CYRIB: variants seen among roughly 807,000 people sequenced by gnomAD.
CYRIB encodes the protein CYFIP related Rac1 interactor B, also known as CYFIP-related Rac1 interactor B.
CYRIB carries 8 observed loss-of-function variants against 44.2 expected under a neutral mutation model. That is an observed-to-expected ratio of 0.18 (90% CI 0.11 to 0.33). The LOEUF (loss-of-function observed/expected upper bound fraction) is 0.33, where lower values mean the gene tolerates loss of function less well. CYRIB is among the 10% of genes least tolerant of loss of function. The pLI is 1.00. For synonymous variants in CYRIB, 131 were observed against 127.2 expected, an observed-to-expected ratio of 1.03 and a Z score of -0.20; for missense variants, 185 against 382.8, an observed-to-expected ratio of 0.48 and a Z score of 4.31.
intron 2 of CYRIB, among the ~76,000 whole-genome samples, chr8:129,967,388 T>G (rs112640041): frequency 2.1e-4 from 31 of 147,138 alleles, no homozygotes; most frequent in Middle Eastern, 3.5e-3. Context: ...TGTTTTTTTG[T>G]TTTTTTTTTG....
intron 2 of CYRIB, among the ~76,000 whole-genome samples, chr8:129,897,996 C>T (rs757595816): frequency 1.3e-5 from 2 of 152,072 alleles, no homozygotes; most frequent in South Asian, 2.1e-4. Flanking sequence ...GAGCTCCTGA[C>T]CAGGTGATCC....
At chr8:129,906,397 A>G (rs967150599) in intron 1 of CYRIB, among the ~76,000 whole-genome samples, 3 of 152,368 alleles carry the variant, frequency 2.0e-5, no homozygotes, top group African/African-American at 7.2e-5. Context: ...CTGGCTAGCC[A>G]TATGTAGAAA....
At chr8:129,878,654 C>T (rs1194075070) in intron 3 of CYRIB, among the ~76,000 whole-genome samples, 5 of 151,974 alleles carry the variant, frequency 3.3e-5, no homozygotes, top group Non-Finnish European at 7.4e-5. Context: ...CAAGCTAAAG[C>T]GATATCAACA....
At chr8:130,007,890 G>T (rs1294994783) in intron 1 of CYRIB, among the ~76,000 whole-genome samples, 1 of 151,388 alleles carries the variant, frequency 6.6e-6, no homozygotes, top group Non-Finnish European at 1.5e-5. Flanking sequence ...AACCCACGAC[G>T]TGATCCTGAT....
At chr8:129,996,057 A>G (rs897398307) in intron 1 of CYRIB, among the ~76,000 whole-genome samples, 1 of 152,204 alleles carries the variant, frequency 6.6e-6, no homozygotes, top group East Asian at 1.9e-4. Flanking sequence ...CCACAATCAT[A>G]ATACCAGCGC....
intron 1 of CYRIB, among the ~76,000 whole-genome samples, chr8:129,983,021 A>AG (rs1029971458): frequency 6.6e-5 from 10 of 152,004 alleles, no homozygotes; most frequent in Non-Finnish European, 1.2e-4. Flanking sequence ...AAAAAAAAAA[A>AG]AAAAACACCC....
intron 1 of CYRIB, among the ~76,000 whole-genome samples, chr8:129,912,891 T>G (rs115565406): frequency 0.017 from 2,516 of 152,132 alleles, 63 homozygotes; most frequent in African/African-American, 0.053. Context: ...TAAAGTTATC[T>G]CTACTGCTGA....
chr8:129,940,230 C>T (rs1025048901), upstream of CYRIB, among the ~76,000 whole-genome samples: 2 of 152,146 alleles, frequency 1.3e-5, no homozygotes, highest in African/African-American at 2.4e-5. Context: ...GATGCTGAGC[C>T]CTGCGAAGTT....
In CYRIB at chr8:129,889,665, C is replaced by T. The variant is rs989271922; in HGVS notation, c.-10-10194G>A. 6.6e-5 allele frequency among the ~76,000 whole-genome samples: 10 copies of T among 152,034 alleles called. No individual in the cohort carries two copies. The South Asian group carries it at 1.9e-3, about 28-fold the overall frequency. On this transcript the variant is annotated intron_variant, in intron 2 of 11. Coordinates refer to ENST00000519824, the Ensembl canonical transcript of CYRIB. ...AGAAATGGCAGATGTGGTGGAAATA[C>T]CAAGAGAACTAGAGTAGAAGTTCAT...
At chr8:129,977,553 A>G (rs144797764) in intron 1 of CYRIB, among the ~76,000 whole-genome samples, 136 of 149,174 alleles carry the variant, frequency 9.1e-4, no homozygotes, top group African/African-American at 3.2e-3. Flanking sequence ...TTTTTTTGAG[A>G]CGGGGTCTCG....
intron 1 of CYRIB, among the ~76,000 whole-genome samples, chr8:129,928,660 TAAAAAAA>T (rs879465964): frequency 1.5e-5 from 2 of 137,862 alleles, no homozygotes; most frequent in Admixed American, 7.4e-5. Flanking sequence ...ATCCTTTCTT[TAAAAAAA>T]AAAAAGAAAA....
chr8:129,934,311 C>A (rs894934165), intron 1 of CYRIB, among the ~76,000 whole-genome samples: 2 of 152,094 alleles, frequency 1.3e-5, no homozygotes, highest in East Asian at 3.8e-4. Flanking sequence ...ACTAACAATG[C>A]GGTAAATCAA....
intron 1 of CYRIB, chr8:130,004,631 G>A (rs1245130573): frequency 6.6e-6 from 1 of 151,790 alleles, no homozygotes; most frequent in African/African-American, 2.4e-5. Flanking sequence ...ATTGTGCATT[G>A]TACTTTATCG....
rs76061710 is a variant in CYRIB, at chr8:130,012,762, G to A, written c.-296+3608C>T. On this transcript the variant is annotated intron_variant, in intron 1 of 14. Transcript: ENST00000401979. ...CACTGCCTCTAGAAAGAGAAAAGGAGGAGAGGAAAAAAAAAATATTGCTCT... is the reference window on the plus strand; with the variant it reads ...CACTGCCTCTAGAAAGAGAAAAGGAAGAGAGGAAAAAAAAAATATTGCTCT... Among the ~76,000 whole-genome samples, 871 of 152,152 alleles carry A rather than the reference G, an allele frequency of 5.7e-3. 11 individuals are homozygous for A. The highest frequency in any genetic ancestry group is 0.02 in the African/African-American group (836 of 41,514).
rs187490791 is a variant in CYRIB, at chr8:129,915,787, T to C, written c.-49-12437A>G. 1.7e-4 allele frequency among the ~76,000 whole-genome samples: 26 copies of C among 152,248 alleles called. No homozygotes were observed. In the East Asian group the frequency reaches 4.4e-3, roughly 26 times the overall value. ...AATTTTGTGGGTCAAGCCTGAGAAATTGCATTTTCCAAGATCCACATTACT... is the reference window on the plus strand; with the variant it reads ...AATTTTGTGGGTCAAGCCTGAGAAACTGCATTTTCCAAGATCCACATTACT... On this transcript the variant is annotated intron_variant, in intron 1 of 11. Transcript: ENST00000519824.
intron 1 of CYRIB, among the ~76,000 whole-genome samples, chr8:129,998,517 G>A (rs2096833433): frequency 6.6e-6 from 1 of 152,298 alleles, no homozygotes; most frequent in Admixed American, 6.5e-5. Context: ...GGAACCAGTG[G>A]GGCCCAGAAA....
At chr8:129,977,820 C>CCG in intron 1 of CYRIB, among the ~76,000 whole-genome samples, 1 of 152,328 alleles carries the variant, frequency 6.6e-6, no homozygotes, top group African/African-American at 2.4e-5. Flanking sequence ...GCGTGAGCCA[C>CCG]TGCTCCCGTC....
intron 2 of CYRIB, among the ~76,000 whole-genome samples, chr8:129,885,366 GA>G (rs1309026786): frequency 6.6e-6 from 1 of 152,162 alleles, no homozygotes; most frequent in African/African-American, 2.4e-5. Context: ...ATCACAATCT[GA>G]ATTTCTCTTG....
exon 4 of CYRIB, chr8:129,871,449 C>T: frequency 1.9e-6 from 3 of 1,611,424 alleles, no homozygotes; most frequent in Non-Finnish European, 2.5e-6. Flanking sequence ...TTTAATACTA[C>T]ATTCACCTGA....
Sources: allele counts gnomAD v4.1 joint callset (sites outside exome capture counted in the v4.1 genomes callset), GRCh38; gene constraint gnomAD v4.1.1; transcripts MANE v1.5; gene names NCBI Gene and HGNC (gene_info 2026-07-23, HGNC 2026-07-21).